OXR1: variants seen among roughly 807,000 people sequenced by gnomAD.
OXR1 encodes oxidation resistance protein 1.
A neutral mutation model predicts 104.6 loss-of-function variants in OXR1; 41 were observed. The ratio of observed to expected loss-of-function variants is 0.39; its 90% CI spans 0.31 to 0.51. The LOEUF (loss-of-function observed/expected upper bound fraction) is 0.51. OXR1 is among the 20% of genes least tolerant of loss of function. The pLI is 0.77. For synonymous variants in OXR1, 348 were observed against 348.4 expected (o/e 1.00, Z 0.01); for missense variants, 955 against 1,031.9 (o/e 0.93, Z 1.02).
At chr8:106,362,718 C>T (rs1045371087) in intron 2 of OXR1, among the ~76,000 whole-genome samples, 5 of 152,066 alleles carry the variant, frequency 3.3e-5, no homozygotes, top group Admixed American at 1.3e-4. Context: ...CAAAGGGATG[C>T]GCAGAATCTG....
intron 11 of OXR1, among the ~76,000 whole-genome samples, chr8:106,714,377 G>A (rs1048465491): frequency 1.3e-5 from 2 of 151,868 alleles, no homozygotes; most frequent in African/African-American, 2.4e-5. Context: ...GAGGAGGTAC[G>A]GCAGTCATTT....
At chr8:106,750,755 T>G in intron 16 of OXR1, 51 bp from the exon 17 acceptor site, 1 of 1,346,888 alleles carries the variant, frequency 7.4e-7, no homozygotes, top group Non-Finnish European at 1.0e-6. Flanking sequence ...ATTTAAATTG[T>G]TTTATAACTT....
At chr8:106,309,083 A>T (rs1813589741) in intron 1 of OXR1, among the ~76,000 whole-genome samples, 1 of 151,764 alleles carries the variant, frequency 6.6e-6, no homozygotes, top group South Asian at 2.1e-4. Context: ...TGTTCAAGAG[A>T]TCCTCCTGCG....
At chr8:106,399,896 T>G (rs979783126) in intron 2 of OXR1, among the ~76,000 whole-genome samples, 1 of 152,186 alleles carries the variant, frequency 6.6e-6, no homozygotes, top group East Asian at 1.9e-4. Context: ...AAGGGTTCTG[T>G]AGAAAATCTC....
At chr8:106,400,481 C>A (rs1056080116) in intron 2 of OXR1, among the ~76,000 whole-genome samples, 1 of 152,132 alleles carries the variant, frequency 6.6e-6, no homozygotes, top group Non-Finnish European at 1.5e-5. Context: ...CCAGGATTTT[C>A]CAACACTAGT....
Position 106,617,256 on chromosome 8 carries a change from C to T in OXR1, c.221-61954C>T, listed in dbSNP as rs796828441. On this transcript the variant is annotated intron_variant, in intron 3 of 16. Coordinates refer to ENST00000517566, the MANE Select transcript of OXR1 (RefSeq NM_001198533.2). ...CTGACAACATAATGAAACCCCATCTCTACTAAAAATACAAAAATTAGCCGG... is the reference window on the plus strand; with the variant it reads ...CTGACAACATAATGAAACCCCATCTTTACTAAAAATACAAAAATTAGCCGG... Among the ~76,000 whole-genome samples the T allele has an allele frequency of 4.6e-5, 7 of 152,242 alleles. No individual in the cohort carries two copies. In the South Asian group the frequency reaches 1.5e-3, roughly 32 times the overall value.
intron 11 of OXR1, among the ~76,000 whole-genome samples, chr8:106,721,801 C>T (rs1220215266): frequency 6.6e-6 from 1 of 151,940 alleles, no homozygotes; most frequent in East Asian, 1.9e-4. Context: ...TAGTGCTGTC[C>T]CTTTTAGTTA....
intron 2 of OXR1, among the ~76,000 whole-genome samples, chr8:106,499,684 T>G (rs552820288): frequency 1.6e-3 from 241 of 152,338 alleles, no homozygotes; most frequent in Middle Eastern, 3.4e-3. Flanking sequence ...CTTCTTTGAC[T>G]TTTGAATAAC....
At chr8:106,318,235 A>G (rs1477882935) in intron 1 of OXR1, among the ~76,000 whole-genome samples, 1 of 152,226 alleles carries the variant, frequency 6.6e-6, no homozygotes, top group Admixed American at 6.5e-5. Flanking sequence ...GTTAGTGGTT[A>G]CGATTTCTCT....
intron 2 of OXR1, among the ~76,000 whole-genome samples, chr8:106,393,313 A>G (rs1284800724): frequency 6.6e-6 from 1 of 152,206 alleles, no homozygotes; most frequent in Non-Finnish European, 1.5e-5. Flanking sequence ...ACCATGTGAG[A>G]TAGTTATTCA....
chr8:106,408,067 G>A (rs1322834844), intron 2 of OXR1, among the ~76,000 whole-genome samples: 1 of 152,126 alleles, frequency 6.6e-6, no homozygotes, highest in East Asian at 1.9e-4. Flanking sequence ...AGTGGGTGCA[G>A]GCCAGTGATG....
chr8:106,630,715 A>G (rs1822607820), intron 3 of OXR1, among the ~76,000 whole-genome samples: 1 of 152,240 alleles, frequency 6.6e-6, no homozygotes, highest in South Asian at 2.1e-4. Context: ...CATGCCAAAC[A>G]TAGAGTAAAA....
intron 2 of OXR1, among the ~76,000 whole-genome samples, chr8:106,513,509 T>G (rs374747377): frequency 1.3e-4 from 20 of 152,252 alleles, no homozygotes; most frequent in African/African-American, 4.6e-4. Context: ...CCACATTGCA[T>G]ACCACATAAG....
At chr8:106,442,460 C>T (rs757457977) in intron 2 of OXR1, among the ~76,000 whole-genome samples, 8 of 151,962 alleles carry the variant, frequency 5.3e-5, no homozygotes, top group Non-Finnish European at 7.4e-5. Context: ...CCCTCCTTTT[C>T]GATTGTTTGG....
chr8:106,733,959 A>C, intron 11 of OXR1, among the ~76,000 whole-genome samples: 1 of 150,906 alleles, frequency 6.6e-6, no homozygotes, highest in Non-Finnish European at 1.5e-5. Context: ...ATTTTTTCAA[A>C]TCAAACTTCA....
chr8:106,284,744 G>T (rs1328331161), intron 1 of OXR1, among the ~76,000 whole-genome samples: 1 of 151,966 alleles, frequency 6.6e-6, no homozygotes, highest in Non-Finnish European at 1.5e-5. Flanking sequence ...TTTGTCATTT[G>T]CCTTTGAAGA....
intron 2 of OXR1, among the ~76,000 whole-genome samples, chr8:106,367,396 T>C (rs527850945): frequency 9.3e-4 from 142 of 152,252 alleles, no homozygotes; most frequent in African/African-American, 3.2e-3. Context: ...TTCATTGATA[T>C]GAGCTTTGAG....
chr8:106,719,892 G>A (rs1832675261), intron 11 of OXR1, among the ~76,000 whole-genome samples: 1 of 151,938 alleles, frequency 6.6e-6, no homozygotes, highest in Non-Finnish European at 1.5e-5. Flanking sequence ...TGCAAGCTCC[G>A]CCTCCTGGAT....
chr8:106,689,629 C>A (rs1380834845), intron 6 of OXR1, among the ~76,000 whole-genome samples: 1 of 151,780 alleles, frequency 6.6e-6, no homozygotes, highest in African/African-American at 2.4e-5. Flanking sequence ...TAATTCTAGT[C>A]AAGTAAGATT....
Sources: gnomAD v4.1 joint callset for allele counts (sites outside exome capture counted in the v4.1 genomes callset) on GRCh38, gnomAD v4.1.1 for gene constraint, MANE v1.5 for transcripts, NCBI Gene and HGNC (gene_info 2026-07-23, HGNC 2026-07-21) for gene names.